Variants in GOLGA8M observed in about 807,000 individuals in gnomAD.
GOLGA8M encodes golgin A8 family member M, also known as golgin subfamily A member 8M.
In GOLGA8M, 34 loss-of-function variants were observed where a neutral mutation model predicts 87.7. The observed-to-expected ratio is 0.39, with a 90% CI of 0.29 to 0.52. The LOEUF is 0.52. Ranked by LOEUF, GOLGA8M falls within the 20% of genes least tolerant of loss-of-function variation. GOLGA8M has a pLI of 0.80. For synonymous variants in GOLGA8M, 138 were observed against 250.2 expected, an observed-to-expected ratio of 0.55 and a Z score of 4.23; for missense variants, 396 against 682.2, an observed-to-expected ratio of 0.58 and a Z score of 4.67.
At chr15:28,709,830 A>C (rs111868613) in intron 2 of GOLGA8M, among the ~76,000 whole-genome samples, 21,557 of 148,858 alleles carry the variant, frequency 0.14, 2,774 homozygotes, top group East Asian at 0.62. Context: ...CTTCCCCTTG[A>C]GACTGGGGAT....
Position 28,702,527 on chromosome 15 carries a change from C to A in GOLGA8M, c.1505G>T (p.Arg502Leu). 6.3e-7 allele frequency: 1 copy of A among 1,599,970 alleles called. No homozygotes were observed. The highest frequency in any genetic ancestry group is 1.1e-5 in the South Asian group (1 of 90,860). Residue 502 changes from arginine (R) to leucine (L), a missense_variant, in exon 17 of 19, where the codon CGT (arginine) becomes CTT (leucine). Physicochemically the swap from Arg to Leu is moderately radical, Grantham distance 102. Coordinates refer to ENST00000563027, the MANE Select transcript of GOLGA8M (RefSeq NM_001282468.3). ...TCCTCCCAGTGCCGCATCTTTGGCA[C>A]GGCCCCCTGGTTCTGATAAAAGGTG... ...IHHLLSEPGGRAKDAALGGGH... is the reference protein window; with the variant it reads ...IHHLLSEPGGLAKDAALGGGH...
rs1181747028 is a variant in GOLGA8M, at chr15:28,702,653, T to A, written c.1461A>T (p.Arg487Ser). 2 of 1,609,466 alleles carry A rather than the reference T, an allele frequency of 1.2e-6. No homozygotes were observed. The highest frequency in any genetic ancestry group is 1.7e-6 in the Non-Finnish European group (2 of 1,179,960). ...ELRFIQYWQE[R>S]CHQKIHHLLS... ...CCTGGCCTCCCACTCACTGATGGCATCTCTCTTGCCAGTATTGAATGAAGC... is the reference window on the plus strand; with the variant it reads ...CCTGGCCTCCCACTCACTGATGGCAACTCTCTTGCCAGTATTGAATGAAGC... The change falls in exon 16 of 19, where the codon AGA (arginine) becomes AGT (serine). Residue 487 changes from arginine to serine, a missense_variant. Arg to Ser is a moderately radical substitution (Grantham distance 110). Around this residue, in one of 12 missense-constraint regions of GOLGA8M, gnomAD observed 173 missense variants for 150.2 expected, o/e 1.15. Coordinates refer to ENST00000563027, the MANE Select transcript of GOLGA8M (RefSeq NM_001282468.3).
upstream of GOLGA8M, among the ~76,000 whole-genome samples, chr15:28,713,312 G>A (rs1006956612): frequency 6.6e-6 from 1 of 151,020 alleles, no homozygotes; most frequent in Non-Finnish European, 1.5e-5. Flanking sequence ...ACTCCAGCCT[G>A]GGCTACAGAG....
chr15:28,712,026 G>C (rs2080210076), intron 1 of GOLGA8M: 2 of 984,862 alleles, frequency 2.0e-6, no homozygotes, highest in Non-Finnish European at 2.4e-6. Flanking sequence ...TGAGGGCCCA[G>C]TAACGGAGCG....
At chr15:28,703,186 T>G in intron 15 of GOLGA8M, 133 bp downstream of exon 15, 1 of 925,858 alleles carries the variant, frequency 1.1e-6, no homozygotes, top group South Asian at 1.5e-5. Context: ...GGTGAAATGG[T>G]GTCTGACCAC....
chr15:28,703,101 A>C (rs2079866895), intron 15 of GOLGA8M: 3 of 666,084 alleles, frequency 4.5e-6, no homozygotes, highest in Non-Finnish European at 5.3e-6. Flanking sequence ...AGGGGCATAC[A>C]CAGAACAAAT....
Position 28,702,034 on chromosome 15 carries a change from G to A in GOLGA8M, c.1819C>T (p.His607Tyr). 1 of 1,596,892 alleles carries A rather than the reference G, an allele frequency of 6.3e-7. No individual in the cohort carries two copies. The highest frequency in any genetic ancestry group is 8.5e-7 in the Non-Finnish European group (1 of 1,179,540). ...CTGCCCAAGCCTGGGTGCTCCTGGT[G>A]GTCCTGCACGATCGGCTGTGCAGTA... ...KPTAQPIVQDHQEHPGLGSNC... is the reference protein window; with the variant it reads ...KPTAQPIVQDYQEHPGLGSNC... The change falls in exon 19 of 19, where the codon CAC becomes TAC. Residue 607 changes from histidine to tyrosine, a missense_variant. Physicochemically the swap from His to Tyr is moderately conservative, Grantham distance 83. Around this residue, in one of 12 missense-constraint regions of GOLGA8M, gnomAD observed 35 missense variants for 61.4 expected, o/e 0.57. Coordinates refer to ENST00000563027, the MANE Select transcript of GOLGA8M (RefSeq NM_001282468.3).
chr15:28,708,834 C>A (rs1347824696), intron 4 of GOLGA8M, among the ~76,000 whole-genome samples: 1 of 150,756 alleles, frequency 6.6e-6, no homozygotes, highest in African/African-American at 2.4e-5. Context: ...TTTCCATTCT[C>A]GGGGGCCTTT....
intron 15 of GOLGA8M, among the ~76,000 whole-genome samples, chr15:28,703,117 A>G (rs1596669646): frequency 7.5e-6 from 1 of 133,856 alleles, no homozygotes; most frequent in African/African-American, 3.1e-5. Context: ...CAAATGGGGC[A>G]GAGAGGTGGA....
Position 28,702,103 on chromosome 15 carries a change from A to G in GOLGA8M, c.1750T>C (p.Ser584Pro). 12 of 1,585,502 alleles carry G rather than the reference A, an allele frequency of 7.6e-6. No individual in the cohort carries two copies. Among genetic ancestry groups the G allele is most frequent in the Non-Finnish European group, 5.1e-6 (6 of 1,174,064 alleles). ...TCCTCCCTGGCCTCTCCTTGGGCAG[A>G]GGAGGTGAGGCTCACCTCACAAAGA... ...GDLCEVSLTS[S>P]AQGEAREDPL... Residue 584 changes from serine (S) to proline (P), a missense_variant, in exon 19 of 19, where the codon TCT becomes CCT. This residue lies in a region of GOLGA8M where 35 missense variants were observed against 61.4 expected (regional missense o/e 0.57). Transcript: ENST00000563027.
chr15:28,704,022 C>T, intron 13 of GOLGA8M, 105 bp from the exon 14 acceptor site: 1 of 1,554,240 alleles, frequency 6.4e-7, no homozygotes, highest in Non-Finnish European at 8.6e-7. Flanking sequence ...CAACTTTTGG[C>T]AGGCCATATC....
rs1216587513 is a variant in GOLGA8M at position 28,702,137 on chromosome 15, G to C, written c.1724-8C>G. 1 of 1,579,916 alleles carries C rather than the reference G, an allele frequency of 6.3e-7. No homozygotes were observed. Among genetic ancestry groups the C allele is most frequent in the South Asian group, 1.1e-5 (1 of 89,634 alleles). On this transcript the variant is annotated splice_polypyrimidine_tract_variant and splice_region_variant and intron_variant, in intron 18 of 18. Coordinates refer to ENST00000563027, the MANE Select transcript of GOLGA8M (RefSeq NM_001282468.3). ...GGCTCACCTCACAAAGATCTTTGGA[G>C]AGAGGGAGGCAGGGATCTGAGCACA...
chr15:28,713,096 T>C (rs1421008280), upstream of GOLGA8M, among the ~76,000 whole-genome samples: 2 of 151,784 alleles, frequency 1.3e-5, no homozygotes, highest in Admixed American at 6.6e-5. Context: ...TTCCAGGACT[T>C]TGAGAGCCCA....
rs533526506 is a variant in GOLGA8M at position 28,705,148 on chromosome 15, G to T, written c.1200+11C>A. 4.4e-6 allele frequency: 7 copies of T among 1,598,164 alleles called. No individual in the cohort carries two copies. The highest frequency in any genetic ancestry group is 5.9e-6 in the Non-Finnish European group (7 of 1,179,766). On this transcript the variant is annotated intron_variant, in intron 13 of 18. Coordinates refer to ENST00000563027, the MANE Select transcript of GOLGA8M (RefSeq NM_001282468.3). ...CTTCTTGGATGGGGTGGAGGTTTCC[G>T]ACTCCTTCACCTCGCCAAGCTTCTC...
rs908034509 is a variant in GOLGA8M at position 28,710,001 on chromosome 15, A to G, written c.169-413T>C. Among the ~76,000 whole-genome samples, 7 of 143,648 alleles carry G rather than the reference A, an allele frequency of 4.9e-5. 1 individual carries two copies. Among genetic ancestry groups the G allele is most frequent in the African/African-American group, 1.8e-4 (7 of 38,194 alleles). The allele number at this position is 143,648 out of a possible 152,430, so 94.2% of individuals were successfully genotyped here. A position where few individuals can be genotyped will look rare whatever the true frequency, so the allele number is the denominator to read the frequency against. ...CTCTATTATACAGATGTGAAAAGAGAGGCCCGATGAGGTCTAGCAACTTGC... is the reference window on the plus strand; with the variant it reads ...CTCTATTATACAGATGTGAAAAGAGGGGCCCGATGAGGTCTAGCAACTTGC... On this transcript the variant is annotated intron_variant, in intron 2 of 18. Coordinates refer to ENST00000563027, the MANE Select transcript of GOLGA8M (RefSeq NM_001282468.3).
chr15:28,713,100 G>C (rs561557370), upstream of GOLGA8M, among the ~76,000 whole-genome samples: 4 of 151,800 alleles, frequency 2.6e-5, no homozygotes, highest in African/African-American at 9.7e-5. Flanking sequence ...AGGACTTTGA[G>C]AGCCCAAGGT....
In GOLGA8M at chr15:28,701,029, C is replaced by A. The variant is rs1596659592; in HGVS notation, c.*925G>T. On this transcript the variant is annotated 3_prime_UTR_variant, in exon 19 of 19. Coordinates refer to ENST00000563027, the MANE Select transcript of GOLGA8M (RefSeq NM_001282468.3). ...GTAGTCATGCGATTAAAACAGGTAA[C>A]ATGAACTCTGACTTTAAAATGTATT... Among the ~76,000 whole-genome samples, 2 of 152,294 alleles carry A rather than the reference C, an allele frequency of 1.3e-5. No homozygotes were observed. The highest frequency in any genetic ancestry group is 4.2e-4 in the South Asian group (2 of 4,816).
chr15:28,712,053 A>G, intron 1 of GOLGA8M: 1 of 984,634 alleles, frequency 1.0e-6, no homozygotes, highest in Non-Finnish European at 1.2e-6. Flanking sequence ...CCCAGGAGTC[A>G]CCCACCCAAA....
chr15:28,703,685 G>A (rs1596672604), intron 14 of GOLGA8M, 157 bp downstream of exon 14: 1 of 920,206 alleles, frequency 1.1e-6, no homozygotes, highest in African/African-American at 1.8e-5. Context: ...CCCGCTCACA[G>A]GAGGTCACCA....
Sources: allele counts gnomAD v4.1 joint callset (sites outside exome capture counted in the v4.1 genomes callset), GRCh38; gene constraint gnomAD v4.1.1; regional missense constraint gnomAD v4.1.1; transcripts MANE v1.5; gene names NCBI Gene and HGNC (gene_info 2026-07-23, HGNC 2026-07-21).